Variants in RIMS2 observed in about 807,000 individuals in gnomAD.
RIMS2 encodes regulating synaptic membrane exocytosis protein 2.
RIMS2 carries 59 observed loss-of-function variants against 174.4 expected under a neutral mutation model. The ratio of observed to expected loss-of-function variants is 0.34; its 90% CI spans 0.27 to 0.42. RIMS2 has a LOEUF of 0.42. Among genes scored for constraint, RIMS2 ranks in the 10% least tolerant of loss-of-function variants. The probability of loss-of-function intolerance (pLI) is 1.00; values close to 1 mark genes in which losing one functional copy is unlikely to be tolerated. For missense variants in RIMS2, 1,620 were observed against 1,666.3 expected (o/e 0.97, Z 0.48); for synonymous variants, 606 against 572.5 (o/e 1.06, Z -0.84).
intron 2 of RIMS2, among the ~76,000 whole-genome samples, chr8:103,738,014 T>C (rs942917395): frequency 3.9e-5 from 6 of 152,202 alleles, no homozygotes; most frequent in Non-Finnish European, 1.5e-5. Context: ...TCCATGAGAA[T>C]AGGAACATGT....
At chr8:103,606,231 T>A (rs1300818575) in intron 1 of RIMS2, among the ~76,000 whole-genome samples, 1 of 145,960 alleles carries the variant, frequency 6.9e-6, no homozygotes, top group Non-Finnish European at 1.5e-5. Flanking sequence ...AAAGAACATC[T>A]TTATTTCTGC....
chr8:103,885,147 A>T, intron 3 of RIMS2, 151 bp from the exon 7 acceptor site: 1 of 1,128,214 alleles, frequency 8.9e-7, no homozygotes, highest in South Asian at 1.8e-5. Flanking sequence ...AATGAATACT[A>T]CTAAAACCAT....
At chr8:103,565,224 CT>C (rs1225169220) in intron 1 of RIMS2, among the ~76,000 whole-genome samples, 10 of 152,228 alleles carry the variant, frequency 6.6e-5, no homozygotes, top group African/African-American at 9.6e-5. Context: ...CAGCAACTCT[CT>C]TTAGCTCCAG....
chr8:104,069,551 C>T (rs2097162266), intron 19 of RIMS2, among the ~76,000 whole-genome samples: 1 of 148,848 alleles, frequency 6.7e-6, no homozygotes, highest in Non-Finnish European at 1.5e-5. Flanking sequence ...TCACTGCAAC[C>T]TCCGCCTCCC....
At chr8:103,631,302 T>C (rs372937317) in intron 1 of RIMS2, among the ~76,000 whole-genome samples, 1 of 152,294 alleles carries the variant, frequency 6.6e-6, no homozygotes, top group East Asian at 1.9e-4. Context: ...TTGTATACAG[T>C]GTAAGGAAGG....
At chr8:104,134,419 C>G (rs909967673) in intron 19 of RIMS2, among the ~76,000 whole-genome samples, 1 of 152,146 alleles carries the variant, frequency 6.6e-6, no homozygotes, top group African/African-American at 2.4e-5. Context: ...GAGCCAAGAT[C>G]GTGCCACTGC....
At chr8:103,590,320 A>G (rs766331011) in intron 1 of RIMS2, among the ~76,000 whole-genome samples, 3 of 151,408 alleles carry the variant, frequency 2.0e-5, no homozygotes, top group Non-Finnish European at 4.4e-5. Context: ...TCAGGATACA[A>G]AAATCATTAT....
At chr8:103,655,333 GT>G (rs2096515420) in intron 1 of RIMS2, among the ~76,000 whole-genome samples, 7 of 151,898 alleles carry the variant, frequency 4.6e-5, no homozygotes, top group Admixed American at 4.6e-4. Context: ...CATAACATAG[GT>G]TTTATGTAAG....
At chr8:103,739,232 A>T (rs1375334713) in intron 2 of RIMS2, among the ~76,000 whole-genome samples, 2 of 152,192 alleles carry the variant, frequency 1.3e-5, no homozygotes, top group Non-Finnish European at 2.9e-5. Context: ...CTTTGTAGGG[A>T]CATGGATGAA....
intron 19 of RIMS2, among the ~76,000 whole-genome samples, chr8:104,032,651 T>G (rs2096421941): frequency 6.6e-6 from 1 of 152,082 alleles, no homozygotes; most frequent in Non-Finnish European, 1.5e-5. Flanking sequence ...CATTGAAATT[T>G]TCATTGAAAA....
At chr8:104,044,093 G>T (rs2096652605) in intron 19 of RIMS2, among the ~76,000 whole-genome samples, 1 of 151,580 alleles carries the variant, frequency 6.6e-6, no homozygotes, top group Non-Finnish European at 1.5e-5. Context: ...AGGGAAGATA[G>T]TATTCTTGAA....
chr8:103,961,240 C>T (rs1286863914), intron 15 of RIMS2, 107 bp downstream of exon 17: 2 of 656,134 alleles, frequency 3.0e-6, no homozygotes, highest in East Asian at 5.5e-5. Flanking sequence ...CGTCTTCTCA[C>T]CCTCCAAAAC....
At chr8:104,212,874 C>T (rs559289455) in intron 19 of RIMS2, among the ~76,000 whole-genome samples, 65 of 152,242 alleles carry the variant, frequency 4.3e-4, no homozygotes, top group Non-Finnish European at 8.2e-4. Context: ...TGTGTTGAGA[C>T]CTATGAGAAA....
chr8:103,744,640 A>G (rs6992080), intron 2 of RIMS2, among the ~76,000 whole-genome samples: 34,919 of 152,078 alleles, frequency 0.23, 4,291 homozygotes, highest in Non-Finnish European at 0.25. Flanking sequence ...GAACATAACA[A>G]TTGCATCCTG....
chr8:103,539,319 A>G (rs1387949015), intron 1 of RIMS2, among the ~76,000 whole-genome samples: 1 of 152,222 alleles, frequency 6.6e-6, no homozygotes, highest in Non-Finnish European at 1.5e-5. Context: ...CCTCAAATAC[A>G]CCACCAAGAT....
At chr8:104,115,543 T>C (rs752476372) in intron 19 of RIMS2, among the ~76,000 whole-genome samples, 1 of 152,156 alleles carries the variant, frequency 6.6e-6, no homozygotes, top group Non-Finnish European at 1.5e-5. Context: ...AATAGGAAAG[T>C]GAACATAGAA....
At chr8:103,754,773 A>G (rs998955654) in intron 2 of RIMS2, among the ~76,000 whole-genome samples, 2 of 151,706 alleles carry the variant, frequency 1.3e-5, no homozygotes, top group Non-Finnish European at 2.9e-5. Flanking sequence ...TTTGCTTTCC[A>G]CCTGCTTGGT....
Position 103,921,802 on chromosome 8 carries a change from T to G in RIMS2, c.2196+18T>G. 1.2e-6 allele frequency: 1 copy of G among 853,804 alleles called. No individual in the cohort carries two copies. 52.9% of individuals were successfully genotyped at this position (853,804 alleles called of 1,614,324 possible). A position where few individuals can be genotyped will look rare whatever the true frequency, so the allele number is the denominator to read the frequency against. On this transcript the variant is annotated intron_variant, in intron 10 of 23. Transcript: ENST00000504942. ...AACTTTCAGTATGTAGTCATTACGT[T>G]TACTCTTCTTTTTGGAATATCAAAT...
intron 4 of RIMS2, among the ~76,000 whole-genome samples, chr8:103,906,756 A>G (rs1406154935): frequency 6.6e-6 from 1 of 151,164 alleles, no homozygotes; most frequent in Non-Finnish European, 1.5e-5. Context: ...TCAGGCTTCT[A>G]CTGTTTTATC....
Sources: allele counts gnomAD v4.1 joint callset (sites outside exome capture counted in the v4.1 genomes callset), GRCh38; gene constraint gnomAD v4.1.1; transcripts MANE v1.5; gene names NCBI Gene and HGNC (gene_info 2026-07-23, HGNC 2026-07-21).